Variants in GLRA2 observed in about 807,000 individuals in gnomAD.
GLRA2 encodes the protein glycine receptor alpha 2.
Under a neutral mutation model 31.6 loss-of-function variants are expected in GLRA2, and 11 were observed. The observed-to-expected ratio is 0.35, with a 90% CI of 0.22 to 0.58. The LOEUF (loss-of-function observed/expected upper bound fraction) is 0.58. GLRA2 is among the 20% of genes least tolerant of loss of function. GLRA2 has a pLI of 0.84. For missense variants in GLRA2, 212 were observed against 351.8 expected, an observed-to-expected ratio of 0.60 and a Z score of 3.18; for synonymous variants, 132 against 134.0, an observed-to-expected ratio of 0.99 and a Z score of 0.10.
chrX:14,562,325 C>A (rs180691760), intron 2 of GLRA2, among the ~76,000 whole-genome samples: 1 of 112,354 alleles, frequency 8.9e-6, no homozygotes. Context: ...GGTATTCCCA[C>A]TTGCCCTTGT....
intron 3 of GLRA2, among the ~76,000 whole-genome samples, chrX:14,579,770 C>T (rs112276480): frequency 1.7e-4 from 19 of 111,859 alleles, no homozygotes; most frequent in Admixed American, 1.2e-3. Context: ...TATTAAAGCT[C>T]GCACAGACTT....
At chrX:14,625,986 G>C (rs755997204) in intron 7 of GLRA2, among the ~76,000 whole-genome samples, 1 of 111,935 alleles carries the variant, frequency 8.9e-6, no homozygotes, top group South Asian at 3.7e-4. Context: ...CTCGAACCCA[G>C]GCAGTCTGGC....
the GLRA2 span, among the ~76,000 whole-genome samples, chrX:14,521,353 A>G: frequency 1.8e-5 from 2 of 111,470 alleles, no homozygotes. Flanking sequence ...GAGGAAAGGC[A>G]ACTTCATTTC....
chrX:14,688,768 C>CCCTGGT lies in GLRA2; in HGVS notation c.931-1939_931-1934dup, dbSNP rs1347947262. Among the ~76,000 whole-genome samples the CCCTGGT allele has an allele frequency of 2.8e-3, 307 of 110,178 alleles. 3 individuals carry two copies. The highest frequency in any genetic ancestry group is 4.6e-3 in the Non-Finnish European group (240 of 52,615). On this transcript the variant is annotated intron_variant, in intron 7 of 8. Transcript: ENST00000218075. Reference sequence around the variant, plus strand: ...GCTTCCCGGGTGAGGCAATGCCTCACCCTGGTCCGGCTCACGCTCGGTGGG... The same window carrying CCCTGGT: ...GCTTCCCGGGTGAGGCAATGCCTCACCCTGGTCCTGGTCCGGCTCACGCTCGGTGGG...
chrX:14,471,903 A>T, the GLRA2 span, among the ~76,000 whole-genome samples: 1 of 112,354 alleles, frequency 8.9e-6, no homozygotes, highest in Non-Finnish European at 1.9e-5. Context: ...AAACAGAGCT[A>T]CATCTTAATT....
At chrX:14,684,496 G>C (rs1248781513) in intron 7 of GLRA2, among the ~76,000 whole-genome samples, 4 of 111,327 alleles carry the variant, frequency 3.6e-5, no homozygotes, top group Non-Finnish European at 5.7e-5. Context: ...ATTTCATTGA[G>C]CAGTGGTTTG....
chrX:14,716,319 T>C (rs1247572022), intron 8 of GLRA2, among the ~76,000 whole-genome samples: 1 of 111,570 alleles, frequency 9.0e-6, no homozygotes, highest in Admixed American at 9.5e-5. Context: ...TGAGGGACTG[T>C]CCCAACCTCA....
At chrX:14,527,446 C>A (rs2089192398), upstream of GLRA2, among the ~76,000 whole-genome samples, 1 of 110,778 alleles carries the variant, frequency 9.0e-6, no homozygotes, top group South Asian at 3.9e-4. Context: ...GAAACCCTGT[C>A]TCTATTAAAA....
intron 8 of GLRA2, among the ~76,000 whole-genome samples, chrX:14,710,761 T>C (rs1442225878): frequency 1.8e-5 from 2 of 111,711 alleles, no homozygotes; most frequent in Non-Finnish European, 3.8e-5. Context: ...AATACATCTT[T>C]CCTGAACTTG....
At chrX:14,651,933 C>T (rs1464564383) in intron 7 of GLRA2, among the ~76,000 whole-genome samples, 4 of 111,116 alleles carry the variant, frequency 3.6e-5, no homozygotes, top group African/African-American at 6.5e-5. Context: ...GTCATAAGAG[C>T]AGGGCTCTCA....
At chrX:14,727,527 C>T (rs1177765101) in intron 8 of GLRA2, among the ~76,000 whole-genome samples, 1 of 112,056 alleles carries the variant, frequency 8.9e-6, no homozygotes, top group African/African-American at 3.2e-5. Context: ...GTCCCCTCCT[C>T]CTAATGACCT....
the GLRA2 span, among the ~76,000 whole-genome samples, chrX:14,458,816 G>A: frequency 9.0e-6 from 1 of 111,528 alleles, no homozygotes; most frequent in Non-Finnish European, 1.9e-5. Context: ...CTCCCATTCT[G>A]CAGGTTGCCT....
intron 7 of GLRA2, among the ~76,000 whole-genome samples, chrX:14,658,033 G>A (rs1033183214): frequency 2.7e-5 from 3 of 111,574 alleles, no homozygotes; most frequent in African/African-American, 9.8e-5. Flanking sequence ...TAGGCAACTT[G>A]TCCAAAGTTA....
chrX:14,506,862 T>C, the GLRA2 span, among the ~76,000 whole-genome samples: 1 of 111,687 alleles, frequency 9.0e-6, no homozygotes. Context: ...CCATATCACC[T>C]TAAAAGGATC....
intron 7 of GLRA2, among the ~76,000 whole-genome samples, chrX:14,618,292 T>G (rs928383560): frequency 9.0e-6 from 1 of 111,633 alleles, no homozygotes; most frequent in African/African-American, 3.3e-5. Context: ...ACACACCAAT[T>G]TGAGCACTCA....
chrX:14,730,589 GGGGGGAGGGAGGGTCAT>G lies in GLRA2; in HGVS notation c.*110_*126del. The G allele has an allele frequency of 7.2e-6, 1 of 139,321 alleles. No homozygotes were observed. Among genetic ancestry groups the G allele is most frequent in the Non-Finnish European group, 1.4e-5 (1 of 69,686 alleles). 11.5% of individuals were successfully genotyped at this position (139,321 alleles called of 1,213,427 possible). On this transcript the variant is annotated 3_prime_UTR_variant, in exon 9 of 9. Transcript: ENST00000218075. The stretch of plus-strand genomic sequence containing the variant: ...TTTGACAGAGGAGAAGATTGAGGGA[GGGGGGAGGGAGGGTCAT>G]GGGGGTGGGTTTCCTGGCACCTACA...
chrX:14,450,564 T>C, the GLRA2 span, among the ~76,000 whole-genome samples: 6 of 111,779 alleles, frequency 5.4e-5, no homozygotes, highest in South Asian at 1.9e-3. Flanking sequence ...ATCTGCTTTA[T>C]ATGTAAAGAG....
At chrX:14,723,044 T>G (rs1480412915) in intron 8 of GLRA2, among the ~76,000 whole-genome samples, 2 of 112,378 alleles carry the variant, frequency 1.8e-5, no homozygotes, top group Non-Finnish European at 3.8e-5. Context: ...GCAAACAGTT[T>G]GGGGTTGAAA....
At chrX:14,453,840 A>G in the GLRA2 span, among the ~76,000 whole-genome samples, 1 of 112,019 alleles carries the variant, frequency 8.9e-6, no homozygotes, top group African/African-American at 3.2e-5. Flanking sequence ...CATCCATACC[A>G]TGGAATATTA....
Sources: allele counts gnomAD v4.1 joint callset (sites outside exome capture counted in the v4.1 genomes callset), GRCh38; gene constraint gnomAD v4.1.1; transcripts MANE v1.5; gene names NCBI Gene and HGNC (gene_info 2026-07-23, HGNC 2026-07-21).